Variants in SLC25A21 observed in about 807,000 individuals in gnomAD.
SLC25A21 encodes the protein solute carrier family 25 member 21.
SLC25A21 carries 47 observed loss-of-function variants against 43.8 expected under a neutral mutation model. The ratio of observed to expected loss-of-function variants is 1.07; its 90% CI spans 0.85 to 1.37. The LOEUF (loss-of-function observed/expected upper bound fraction) is 1.37. SLC25A21 is among the 40% of genes most tolerant of loss of function. The pLI, the probability that SLC25A21 is intolerant of heterozygous loss-of-function variation, is 0.00. For synonymous variants in SLC25A21, 131 were observed against 121.3 expected, an observed-to-expected ratio of 1.08 and a Z score of -0.52; for missense variants, 352 against 350.2, an observed-to-expected ratio of 1.00 and a Z score of -0.04.
intron 1 of SLC25A21, among the ~76,000 whole-genome samples, chr14:37,161,870 G>A (rs892811942): frequency 3.3e-5 from 5 of 151,158 alleles, no homozygotes; most frequent in Non-Finnish European, 7.4e-5. Context: ...GGCTGAGGCA[G>A]GAGAACGGCG....
At position 37,007,600 on chromosome 14, in the gene SLC25A21, A is replaced by AAATAATAATAATAAT. The variant is rs140657266; in HGVS notation, c.71-132611_71-132597dup. 7.1e-3 allele frequency among the ~76,000 whole-genome samples: 1,050 copies of AAATAATAATAATAAT among 148,100 alleles called. 8 individuals are homozygous for AAATAATAATAATAAT. The highest frequency in any genetic ancestry group is 0.025 in the African/African-American group (983 of 39,756). On this transcript the variant is annotated intron_variant, in intron 1 of 9. Transcript: ENST00000331299. ...CCTGACAGACAAGACTCCCTCTCAA[A>AAATAATAATAATAAT]AATAATAATAATAATAATAATAAAG...
chr14:36,890,198 A>C lies in SLC25A21; in HGVS notation c.71-15194T>G, dbSNP rs145765931. Among the ~76,000 whole-genome samples, 434 of 152,280 alleles carry C rather than the reference A, an allele frequency of 2.9e-3. 2 individuals are homozygous for C. Among genetic ancestry groups the C allele is most frequent in the African/African-American group, 9.8e-3 (408 of 41,554 alleles). ...GAGGAAGGGATTGGGCCAGGAAAAC[A>C]TCATAAAATTACTGAGTAGCACTGA... On this transcript the variant is annotated intron_variant, in intron 1 of 9. Coordinates refer to ENST00000331299, the MANE Select transcript of SLC25A21 (RefSeq NM_030631.4).
chr14:36,856,705 G>A (rs575917890), intron 2 of SLC25A21, among the ~76,000 whole-genome samples: 4 of 152,304 alleles, frequency 2.6e-5, no homozygotes, highest in South Asian at 4.1e-4. Context: ...AGGCCGGCAC[G>A]CAAGGGCTAT....
chr14:36,773,160 C>T (rs1411293704), intron 3 of SLC25A21, among the ~76,000 whole-genome samples: 1 of 151,202 alleles, frequency 6.6e-6, no homozygotes, highest in Non-Finnish European at 1.5e-5. Flanking sequence ...TGCTTGGTTG[C>T]ATGCACGATG....
chr14:37,029,733 C>T (rs1322043409), intron 1 of SLC25A21, among the ~76,000 whole-genome samples: 1 of 151,508 alleles, frequency 6.6e-6, no homozygotes, highest in Non-Finnish European at 1.5e-5. Context: ...TTTGACGCCC[C>T]CAAAACTTAA....
At chr14:37,088,555 T>C (rs537389858) in intron 1 of SLC25A21, among the ~76,000 whole-genome samples, 1 of 152,264 alleles carries the variant, frequency 6.6e-6, no homozygotes, top group African/African-American at 2.4e-5. Context: ...AAATCTTAAT[T>C]ATAAGAAAGT....
chr14:36,901,754 T>C (rs1891404604), intron 1 of SLC25A21, among the ~76,000 whole-genome samples: 1 of 152,182 alleles, frequency 6.6e-6, no homozygotes, highest in Non-Finnish European at 1.5e-5. Context: ...AAGTAAAAAT[T>C]ACTCCCAAGG....
At chr14:36,832,054 C>G (rs150858762) in intron 2 of SLC25A21, among the ~76,000 whole-genome samples, 22 of 152,160 alleles carry the variant, frequency 1.4e-4, no homozygotes, top group Middle Eastern at 3.4e-3. Flanking sequence ...TAGAATCTTC[C>G]AAACATAAGG....
chr14:36,831,052 G>C (rs1889022390), intron 2 of SLC25A21, among the ~76,000 whole-genome samples: 1 of 152,118 alleles, frequency 6.6e-6, no homozygotes, highest in South Asian at 2.1e-4. Flanking sequence ...GTTTTATCAT[G>C]TTTTTCCTAA....
intron 1 of SLC25A21, among the ~76,000 whole-genome samples, chr14:37,088,295 T>C (rs1962522986): frequency 6.6e-6 from 1 of 152,218 alleles, no homozygotes; most frequent in Non-Finnish European, 1.5e-5. Flanking sequence ...GTTGCTTTTA[T>C]AGGATTCACT....
intron 3 of SLC25A21, among the ~76,000 whole-genome samples, chr14:36,766,193 T>C (rs1347039729): frequency 6.6e-6 from 1 of 152,196 alleles, no homozygotes; most frequent in Non-Finnish European, 1.5e-5. Flanking sequence ...AACCCATCAG[T>C]GGGTTATGAA....
intron 3 of SLC25A21, among the ~76,000 whole-genome samples, chr14:36,807,384 C>A (rs142201758): frequency 6.6e-6 from 1 of 152,120 alleles, no homozygotes. Context: ...AAAGCAGCAG[C>A]AACTACTGGG....
intron 1 of SLC25A21, chr14:37,098,280 A>T (rs1962740684): frequency 6.6e-6 from 1 of 152,172 alleles, no homozygotes; most frequent in Admixed American, 6.5e-5. Flanking sequence ...TTAAAACAGC[A>T]GTGTATAGAG....
intron 1 of SLC25A21, among the ~76,000 whole-genome samples, chr14:36,938,229 C>A (rs981592399): frequency 1.3e-5 from 2 of 152,082 alleles, no homozygotes; most frequent in African/African-American, 4.8e-5. Context: ...CCTGGCAACA[C>A]CTAGATTTCA....
chr14:37,019,709 G>C (rs1469714367), intron 1 of SLC25A21, among the ~76,000 whole-genome samples: 1 of 151,836 alleles, frequency 6.6e-6, no homozygotes, highest in Non-Finnish European at 1.5e-5. Flanking sequence ...ACTGCGAGAG[G>C]TATTTGGGGC....
intron 2 of SLC25A21, among the ~76,000 whole-genome samples, chr14:36,857,677 G>A (rs1889939342): frequency 6.6e-6 from 1 of 152,190 alleles, no homozygotes; most frequent in African/African-American, 2.4e-5. Context: ...GTGGAAAGAG[G>A]AAAACAGCTG....
Position 36,678,366 on chromosome 14 carries a change from G to A in SLC25A21, c.*2292C>T. 7.8e-6 allele frequency: 7 copies of A among 895,396 alleles called. No individual in the cohort carries two copies. The South Asian group carries it at 1.0e-4, about 13-fold the overall frequency. The allele number at this position is 895,396 out of a possible 1,614,324, so 55.5% of individuals were successfully genotyped here. ...ATTTCTAAAGCAACCGAAATTCAGT[G>A]CTACAAATAGAGGATTATAACTTCA... On this transcript the variant is annotated 3_prime_UTR_variant, in exon 10 of 10. Transcript: ENST00000331299.
chr14:36,900,333 A>G (rs1891364008), intron 1 of SLC25A21, among the ~76,000 whole-genome samples: 1 of 152,050 alleles, frequency 6.6e-6, no homozygotes, highest in Admixed American at 6.6e-5. Context: ...TCTCATTGGT[A>G]GAGTTTTAGG....
At chr14:36,939,489 GT>G (rs1212754681) in intron 1 of SLC25A21, among the ~76,000 whole-genome samples, 5 of 151,800 alleles carry the variant, frequency 3.3e-5, no homozygotes, top group African/African-American at 1.2e-4. Context: ...CCATAATCTT[GT>G]TGTCCATCTA....
Sources: allele counts gnomAD v4.1 joint callset (sites outside exome capture counted in the v4.1 genomes callset), GRCh38; gene constraint gnomAD v4.1.1; transcripts MANE v1.5; gene names NCBI Gene and HGNC (gene_info 2026-07-23, HGNC 2026-07-21).